CAMK1: variants seen among roughly 807,000 people sequenced by gnomAD.
CAMK1 encodes the protein calcium/calmodulin-dependent protein kinase type 1.
In CAMK1, 39 loss-of-function variants were observed where a neutral mutation model predicts 49.1. That is an observed-to-expected ratio of 0.79 (90% CI 0.62 to 1.04). CAMK1 has a LOEUF of 1.04. CAMK1 is among the 50% of genes least tolerant of loss of function. The probability of loss-of-function intolerance (pLI) is 0.00; values close to 1 mark genes in which losing one functional copy is unlikely to be tolerated. For missense variants in CAMK1, 457 were observed against 472.2 expected, an observed-to-expected ratio of 0.97 and a Z score of 0.30; for synonymous variants, 192 against 185.2, an observed-to-expected ratio of 1.04 and a Z score of -0.30.
chr3:9,766,566 G>A, intron 2 of CAMK1: 1 of 760,792 alleles, frequency 1.3e-6, no homozygotes, highest in East Asian at 7.1e-5. Context: ...AAAATCCTCA[G>A]GTGATTTGTA....
At position 9,760,721 on chromosome 3, in the gene CAMK1, A is replaced by G. The variant is rs768657576; in HGVS notation, c.680T>C (p.Phe227Ser). The G allele has an allele frequency of 4.3e-6, 7 of 1,614,038 alleles. No individual in the cohort carries two copies. The highest frequency in any genetic ancestry group is 1.7e-4 in the Middle Eastern group (1 of 6,060). ...GTACTCGGCCTTCAAAATCTGTTCA[A>G]AGAGTTTGGCATCATTCTCGTCATA... ...PFYDENDAKLFEQILKAEYEF... is the reference protein window; with the variant it reads ...PFYDENDAKLSEQILKAEYEF... Residue 227 changes from phenylalanine to serine, a missense_variant, in exon 8 of 12, where the codon TTT becomes TCT. Transcript: ENST00000256460.
At chr3:9,760,901 G>C (rs879380741) in intron 7 of CAMK1, 133 bp from the exon 8 acceptor site, 5 of 1,321,306 alleles carry the variant, frequency 3.8e-6, no homozygotes, top group Non-Finnish European at 1.0e-6. Flanking sequence ...TACCAGCCCT[G>C]CCTGCTCACT....
chr3:9,759,691 G>C lies in CAMK1; in HGVS notation c.805C>G (p.Gln269Glu). 2 of 1,614,192 alleles carry C rather than the reference G, an allele frequency of 1.2e-6. No homozygotes were observed. The highest frequency in any genetic ancestry group is 1.7e-6 in the Non-Finnish European group (2 of 1,180,024). ...TCTCACCATGGGTGCTGCAAGGCCTGCTCACAGGTGAATCTTTTCTCTGGG... is the reference window on the plus strand; with the variant it reads ...TCTCACCATGGGTGCTGCAAGGCCTCCTCACAGGTGAATCTTTTCTCTGGG... ...KDPEKRFTCE[Q>E]ALQHPWIAGD... Residue 269 changes from glutamine (Q) to glutamate (E), a missense_variant, in exon 9 of 12, where the codon CAG becomes GAG. Transcript: ENST00000256460.
chr3:9,767,657 C>T lies in CAMK1; in HGVS notation c.83+10G>A. On this transcript the variant is annotated intron_variant, in intron 2 of 11. Coordinates refer to ENST00000256460, the MANE Select transcript of CAMK1 (RefSeq NM_003656.5). Reference sequence around the variant, plus strand: ...CAGCCATCCAGCACCCAATCCTGCCCTGGACTCACGTGCCCAGAACATCTC... The same window carrying T: ...CAGCCATCCAGCACCCAATCCTGCCTTGGACTCACGTGCCCAGAACATCTC... The T allele has an allele frequency of 1.2e-6, 2 of 1,614,068 alleles. No homozygotes were observed. The highest frequency in any genetic ancestry group is 2.2e-5 in the East Asian group (1 of 44,874).
At chr3:9,765,471 G>T (rs1021887644) in intron 3 of CAMK1, among the ~76,000 whole-genome samples, 2 of 152,126 alleles carry the variant, frequency 1.3e-5, no homozygotes, top group Non-Finnish European at 2.9e-5. Context: ...GAGATATGTG[G>T]GTCCAAGCCA....
At position 9,757,505 on chromosome 3, in the gene CAMK1, C is replaced by G. The variant is rs555476567; in HGVS notation, c.*34G>C. 1.2e-6 allele frequency: 2 copies of G among 1,606,416 alleles called. No individual in the cohort carries two copies. The highest frequency in any genetic ancestry group is 2.7e-5 in the African/African-American group (2 of 74,928). ...GGGAGCAGGCTGCCCCCAAGCCCTCCCACGCAGAGGATCATGACCCGAGGT... is the reference window on the plus strand; with the variant it reads ...GGGAGCAGGCTGCCCCCAAGCCCTCGCACGCAGAGGATCATGACCCGAGGT... On this transcript the variant is annotated 3_prime_UTR_variant, in exon 12 of 12. Transcript: ENST00000256460. This position sits in a 1 kb window ranked among gnomAD's most constrained non-coding sequence, Gnocchi z 4.5.
At chr3:9,761,584 T>C (rs777891809) in intron 6 of CAMK1, 47 bp downstream of exon 6, 18 of 1,613,172 alleles carry the variant, frequency 1.1e-5, no homozygotes, top group Non-Finnish European at 1.5e-5. Context: ...GCCCTTCAAC[T>C]CCTGGTTCCC....
intron 2 of CAMK1, chr3:9,766,110 T>A: frequency 7.3e-7 from 1 of 1,370,436 alleles, no homozygotes; most frequent in Non-Finnish European, 1.0e-6. Flanking sequence ...GGTCATGTGA[T>A]GCAAGCCAGC....
Position 9,767,756 on chromosome 3 carries a change from C to T in CAMK1, c.-7G>A. 6.2e-7 allele frequency: 1 copy of T among 1,613,910 alleles called. No individual in the cohort carries two copies. On this transcript the variant is annotated 5_prime_UTR_variant, in exon 2 of 12. The change creates a new upstream start codon in the 5' untranslated region. Coordinates refer to ENST00000256460, the MANE Select transcript of CAMK1 (RefSeq NM_003656.5). The stretch of plus-strand genomic sequence containing the variant: ...CTTCCACTGCCCCCAGCATGGCCCA[C>T]TGCCCCCCGACCACAGCCAGGGCTC...
Position 9,757,744 on chromosome 3 carries a change from T to A in CAMK1, c.1015A>T (p.Thr339Ser). Residue 339 changes from threonine (T) to serine (S), a missense_variant, in exon 11 of 12, where the codon ACA (threonine) becomes TCA (serine). Thr to Ser is a moderately conservative substitution (Grantham distance 58, BLOSUM62 1). Coordinates refer to ENST00000256460, the MANE Select transcript of CAMK1 (RefSeq NM_003656.5). This position sits in a 1 kb window ranked among gnomAD's most constrained non-coding sequence, Gnocchi z 4.5. Reference protein sequence around the residue: ...GQTASHGELLTPVAGGPAAGC... With the variant: ...GQTASHGELLSPVAGGPAAGC... The stretch of plus-strand genomic sequence containing the variant: ...CGCTCCTCACCCCCAGCCACTGGTG[T>A]CAGCAGCTCCCCATGGCTCGCCGTC... 7 of 1,614,182 alleles carry A rather than the reference T, an allele frequency of 4.3e-6. No homozygotes were observed. Among genetic ancestry groups the A allele is most frequent in the Non-Finnish European group, 5.9e-6 (7 of 1,180,026 alleles).
In CAMK1 at chr3:9,757,970, A is replaced by T; in HGVS notation, c.913-124T>A. The T allele has an allele frequency of 1.4e-6, 2 of 1,454,642 alleles. No homozygotes were observed. Among genetic ancestry groups the T allele is most frequent in the Non-Finnish European group, 9.1e-7 (1 of 1,100,946 alleles). The allele number at this position is 1,454,642 out of a possible 1,614,324, so 90.1% of individuals were successfully genotyped here. A position where few individuals can be genotyped will look rare whatever the true frequency, so the allele number is the denominator to read the frequency against. On this transcript the variant is annotated intron_variant, in intron 10 of 11. Coordinates refer to ENST00000256460, the MANE Select transcript of CAMK1 (RefSeq NM_003656.5). This position sits in a 1 kb window ranked among gnomAD's most constrained non-coding sequence, Gnocchi z 4.5. The stretch of plus-strand genomic sequence containing the variant: ...ATTTTCATTCAGGAGTTATTTTATT[A>T]ATTCCCCTAAAGCCCCCCAAAAACC...
At chr3:9,765,631 C>A in intron 3 of CAMK1, 128 bp downstream of exon 3, 2 of 1,105,626 alleles carry the variant, frequency 1.8e-6, no homozygotes, top group Non-Finnish European at 1.3e-6. Flanking sequence ...AAATTGTGAT[C>A]CCCATTTTAT....
Position 9,762,949 on chromosome 3 carries a change from G to A in CAMK1, c.394C>T (p.Leu132=), listed in dbSNP as rs753617955. ...IFQVLDAVKY[L]HDLGIVHRDL... is the part of the protein sequence containing the mutation. The stretch of plus-strand genomic sequence containing the variant: ...CGGTGTACAATGCCCAGGTCATGCA[G>A]GTATTTCACAGCATCCAGCACCTGG... Residue 132 remains leucine, a synonymous_variant, in exon 5 of 12, where the codon CTG becomes TTG. Coordinates refer to ENST00000256460, the MANE Select transcript of CAMK1 (RefSeq NM_003656.5). 1.2e-6 allele frequency: 2 copies of A among 1,614,192 alleles called. No individual in the cohort carries two copies. The highest frequency in any genetic ancestry group is 4.5e-5 in the East Asian group (2 of 44,886).
chr3:9,760,253 GAA>G (rs58204599), intron 8 of CAMK1: 28 of 140,756 alleles, frequency 2.0e-4, no homozygotes, highest in South Asian at 1.7e-3. Flanking sequence ...AAAAAAGAAA[GAA>G]AAAAAAAAAA....
Position 9,759,515 on chromosome 3 carries a change from C to T in CAMK1, c.885G>A (p.Lys295=), listed in dbSNP as rs778754920. 1 of 1,614,188 alleles carries T rather than the reference C, an allele frequency of 6.2e-7. No homozygotes were observed. The highest frequency in any genetic ancestry group is 2.2e-5 in the East Asian group (1 of 44,876). Residue 295 remains lysine (K), a synonymous_variant, in exon 10 of 12, where the codon AAG becomes AAA. Coordinates refer to ENST00000256460, the MANE Select transcript of CAMK1 (RefSeq NM_003656.5). The part of the protein sequence containing the change: ...NIHQSVSEQI[K]KNFAKSKWKQ... ...TCCACTTGCTCTTGGCAAAGTTCTT[C>T]TTGATCTGCTCACTCACCGACTGGT...
rs1575215589 is a variant in CAMK1 at position 9,757,972 on chromosome 3, T to C, written c.913-126A>G. 2.8e-6 allele frequency: 4 copies of C among 1,451,054 alleles called. No homozygotes were observed. The highest frequency in any genetic ancestry group is 2.5e-4 in the Middle Eastern group (1 of 3,946). The allele number at this position is 1,451,054 out of a possible 1,614,324, so 89.9% of individuals were successfully genotyped here. On this transcript the variant is annotated intron_variant, in intron 10 of 11. Transcript: ENST00000256460. The surrounding 1 kb of genome is among the most constrained non-coding windows in gnomAD (Gnocchi z 4.5). ...TTTCATTCAGGAGTTATTTTATTAA[T>C]TCCCCTAAAGCCCCCCAAAAACCTC...
chr3:9,765,923 C>G, intron 2 of CAMK1, 33 bp from the exon 3 acceptor site: 1 of 1,614,148 alleles, frequency 6.2e-7, no homozygotes, highest in Non-Finnish European at 8.5e-7. Flanking sequence ...AGGTGAAGAA[C>G]TGGAACCCCA....
rs2077627841 is a variant in CAMK1, at chr3:9,757,368, A to G, written c.*171T>C. 10 of 1,613,536 alleles carry G rather than the reference A, an allele frequency of 6.2e-6. No homozygotes were observed. Among genetic ancestry groups the G allele is most frequent in the East Asian group, 2.2e-5 (1 of 44,892 alleles). ...AGGATGGTTTTATCTTCCCTTTATT[A>G]CAAGAAGGAACAATAAAATAGAAAC... On this transcript the variant is annotated 3_prime_UTR_variant, in exon 12 of 12. Coordinates refer to ENST00000256460, the MANE Select transcript of CAMK1 (RefSeq NM_003656.5). The surrounding 1 kb of genome is among the most constrained non-coding windows in gnomAD (Gnocchi z 4.5).
chr3:9,761,066 C>T (rs576117965), intron 7 of CAMK1: 86 of 390,478 alleles, frequency 2.2e-4, no homozygotes, highest in African/African-American at 1.2e-3. Flanking sequence ...ACCTCCACAG[C>T]GAGCCCTTCC....
Sources: allele counts gnomAD v4.1 joint callset (sites outside exome capture counted in the v4.1 genomes callset), GRCh38; gene constraint gnomAD v4.1.1; non-coding constraint Gnocchi (gnomAD v3.1); transcripts MANE v1.5; gene names NCBI Gene and HGNC (gene_info 2026-07-23, HGNC 2026-07-21).